The following COL4A4 variants were observed in gnomAD, a reference collection of about 807,000 sequenced individuals.
The protein encoded by COL4A4 is collagen alpha-4(IV) chain.
A neutral mutation model predicts 192.9 loss-of-function variants in COL4A4; 105 were observed. That is an observed-to-expected ratio of 0.54 (90% confidence interval 0.46 to 0.64). The LOEUF is 0.64. Among genes scored for constraint, COL4A4 ranks in the 30% least tolerant of loss-of-function variants. The probability of loss-of-function intolerance (pLI) is 0.00; values close to 1 mark genes in which losing one functional copy is unlikely to be tolerated. For synonymous variants in COL4A4, 762 were observed against 769.9 expected (o/e 0.99, Z 0.17); for missense variants, 1,967 against 2,169.3 (o/e 0.91, Z 1.85).
At chr2:226,977,509 A>G in the COL4A4 span, among the ~76,000 whole-genome samples, 6,089 of 152,278 alleles carry the variant, frequency 0.04, 395 homozygotes, top group African/African-American at 0.14. Flanking sequence ...CAATGCAGCA[A>G]TTACAATGCA....
the COL4A4 span, among the ~76,000 whole-genome samples, chr2:226,992,929 G>A: frequency 6.6e-6 from 1 of 152,142 alleles, no homozygotes; most frequent in African/African-American, 2.4e-5. Context: ...GATTCTATTG[G>A]GAGTGAAAGC....
Position 227,118,716 on chromosome 2 carries a change from C to G in COL4A4, c.418G>C (p.Gly140Arg). The G allele has an allele frequency of 6.2e-7, 1 of 1,614,008 alleles. No homozygotes were observed. The change falls in exon 7 of 48, where the codon GGC (glycine) becomes CGC (arginine). Residue 140 changes from glycine (G) to arginine (R), a missense_variant. By Grantham distance (125) the Gly-to-Arg change is moderately radical. Coordinates refer to ENST00000396625, the MANE Select transcript of COL4A4 (RefSeq NM_000092.5). ...PGPRGKPGMS[G>R]HNGSRGDPGF... ...GGGTCACCTCTTGAGCCATTGTGGCCACTCATACCAGGTTTGCCTCTGGGT... is the reference window on the plus strand; with the variant it reads ...GGGTCACCTCTTGAGCCATTGTGGCGACTCATACCAGGTTTGCCTCTGGGT...
rs1159625886 is a variant in COL4A4, at chr2:227,059,553, G to A, written c.2235C>T (p.Gly745=). Residue 745 remains glycine (G), a synonymous_variant, in exon 28 of 48, where the codon GGC becomes GGT. Transcript: ENST00000396625. ...EKGSSPVGPP[G]PPGSPGVNGQ... The stretch of plus-strand genomic sequence containing the variant: ...CATTCACTCCTGGTGAGCCGGGAGG[G>A]CCTGGGGGCCCAACAGGGGAGGACC... 3 of 1,614,092 alleles carry A rather than the reference G, an allele frequency of 1.9e-6. No homozygotes were observed. In the Admixed American group the frequency reaches 5.0e-5, roughly 27 times the overall value.
intron 25 of COL4A4, among the ~76,000 whole-genome samples, chr2:227,067,309 G>A (rs574599145): frequency 1.6e-4 from 24 of 152,176 alleles, no homozygotes; most frequent in African/African-American, 5.3e-4. Flanking sequence ...ACAGATCAAC[G>A]AGACAGAAAG....
intron 44 of COL4A4, among the ~76,000 whole-genome samples, chr2:227,012,662 T>C (rs1055455316): frequency 2.7e-5 from 4 of 147,762 alleles, no homozygotes; most frequent in Non-Finnish European, 5.9e-5. Flanking sequence ...ACTGAACATG[T>C]ATGGCATTTA....
Position 227,161,422 on chromosome 2 carries a change from G to A in COL4A4, c.-102+2585C>T, listed in dbSNP as rs540483349. On this transcript the variant is annotated intron_variant, in intron 1 of 47. Coordinates refer to ENST00000396625, the MANE Select transcript of COL4A4 (RefSeq NM_000092.5). Reference sequence around the variant, plus strand: ...AGACCTCTGTGTCCTTTGAATGTACGAAAAGAACCATCCTCCTTTCCTCTT... The same window carrying A: ...AGACCTCTGTGTCCTTTGAATGTACAAAAAGAACCATCCTCCTTTCCTCTT... 1.7e-3 allele frequency among the ~76,000 whole-genome samples: 262 copies of A among 152,258 alleles called. 1 individual carries two copies. The highest frequency in any genetic ancestry group is 2.7e-3 in the Admixed American group (42 of 15,300).
At chr2:227,019,535 AG>A (rs1965572847) in intron 44 of COL4A4, among the ~76,000 whole-genome samples, 3 of 152,196 alleles carry the variant, frequency 2.0e-5, no homozygotes, top group Non-Finnish European at 4.4e-5. Context: ...GGCTCCTCAA[AG>A]CCCAACCTTT....
chr2:227,147,719 T>A (rs12694712), intron 1 of COL4A4, 135 bp from the exon 2 acceptor site: 2 of 411,448 alleles, frequency 4.9e-6, no homozygotes, highest in Non-Finnish European at 9.0e-6. Context: ...ATGGTGAAAC[T>A]GAATAAATAT....
In COL4A4 at chr2:227,108,850, C is replaced by CT. The variant is rs1553688335; in HGVS notation, c.675dup (p.Gly226ArgfsTer22). On this transcript the variant is annotated frameshift_variant, in exon 11 of 48. Coordinates refer to ENST00000396625, the MANE Select transcript of COL4A4 (RefSeq NM_000092.5). LOFTEE classifies it high-confidence loss of function. ...CTGCCTACCTTCAAACCTGGACGCC[C>CT]TGGTTGGCCCGGAGGTCCCTAAATC... 1 of 1,611,820 alleles carries CT rather than the reference C, an allele frequency of 6.2e-7. No individual in the cohort carries two copies. Among genetic ancestry groups the CT allele is most frequent in the Non-Finnish European group, 8.5e-7 (1 of 1,178,780 alleles).
chr2:227,092,391 G>A lies in COL4A4; in HGVS notation c.1369+1734C>T, dbSNP rs180871571. On this transcript the variant is annotated intron_variant, in intron 20 of 47. Transcript: ENST00000396625. Reference sequence around the variant, plus strand: ...TATATGGGAAATAGAGGGCCCCAGAGAAAGAGAGAGGATGGAGGAAAGAAA... The same window carrying A: ...TATATGGGAAATAGAGGGCCCCAGAAAAAGAGAGAGGATGGAGGAAAGAAA... Among the ~76,000 whole-genome samples the A allele has an allele frequency of 3.7e-3, 564 of 152,234 alleles. 2 individuals carry two copies. The highest frequency in any genetic ancestry group is 0.01 in the African/African-American group (419 of 41,550).
intron 8 of COL4A4, among the ~76,000 whole-genome samples, chr2:227,112,704 T>C (rs2061284725): frequency 1.3e-5 from 2 of 152,206 alleles, no homozygotes; most frequent in African/African-American, 2.4e-5. Context: ...GGAAACTCTG[T>C]TCTCATTAAA....
intron 37 of COL4A4, among the ~76,000 whole-genome samples, chr2:227,035,567 C>G (rs1969477235): frequency 6.6e-6 from 1 of 151,790 alleles, no homozygotes; most frequent in Non-Finnish European, 1.5e-5. Flanking sequence ...CTTTATTTTC[C>G]CCAAATCTCT....
chr2:227,110,955 C>A (rs1008541710), intron 9 of COL4A4, among the ~76,000 whole-genome samples: 3 of 152,078 alleles, frequency 2.0e-5, no homozygotes, highest in African/African-American at 7.2e-5. Flanking sequence ...GCTGGGATTA[C>A]AGGCATGAGC....
At chr2:227,117,144 A>C (rs1360976069) in intron 7 of COL4A4, among the ~76,000 whole-genome samples, 1 of 152,214 alleles carries the variant, frequency 6.6e-6, no homozygotes, top group African/African-American at 2.4e-5. Context: ...TTGCCTGGTC[A>C]TTCTTACTTT....
Position 227,158,868 on chromosome 2 carries a change from T to C in COL4A4, c.-102+5139A>G, listed in dbSNP as rs984405318. ...CCTATGCATGGTATTCTACCTTGCA[T>C]TGAGAAGGTAGAATAAAACCACTTT... On this transcript the variant is annotated intron_variant, in intron 1 of 47. Transcript: ENST00000396625. Among the ~76,000 whole-genome samples, 5 of 152,252 alleles carry C rather than the reference T, an allele frequency of 3.3e-5. No homozygotes were observed. The East Asian group carries it at 7.7e-4, about 23-fold the overall frequency.
Position 227,144,558 on chromosome 2 carries a change from C to T in COL4A4, c.72G>A (p.Trp24Ter), listed in dbSNP as rs2125348371. The change falls in exon 3 of 48, where the codon TGG becomes TGA. Residue 24 changes from tryptophan (W) to a stop codon, truncating the protein, a stop_gained and splice_region_variant. Coordinates refer to ENST00000396625, the MANE Select transcript of COL4A4 (RefSeq NM_000092.5). LOFTEE classifies it high-confidence loss of function. ...RLTKSLATGP[W>*]SLILILFSVQ... Reference sequence around the variant, plus strand: ...CAGAAAAGAGAATGAGTATAAGTGACCTACAGAAAAACAAAAACGCAGATT... The same window carrying T: ...CAGAAAAGAGAATGAGTATAAGTGATCTACAGAAAAACAAAAACGCAGATT... The T allele has an allele frequency of 6.2e-7, 1 of 1,605,316 alleles. No homozygotes were observed.
At chr2:227,057,695 C>T (rs1371606007) in intron 28 of COL4A4, 95 bp from the exon 29 acceptor site, 2 of 1,266,454 alleles carry the variant, frequency 1.6e-6, no homozygotes, top group African/African-American at 1.5e-5. Context: ...TGGAGGTGAA[C>T]ATTTTCATCC....
At chr2:227,153,785 A>G (rs1396293251) in intron 1 of COL4A4, among the ~76,000 whole-genome samples, 1 of 152,222 alleles carries the variant, frequency 6.6e-6, no homozygotes, top group Non-Finnish European at 1.5e-5. Flanking sequence ...ACACTGAGTA[A>G]GCATGAAAAC....
At chr2:227,107,756 CTTTTTTTT>C in intron 12 of COL4A4, among the ~76,000 whole-genome samples, 1 of 109,186 alleles carries the variant, frequency 9.2e-6, no homozygotes, top group Non-Finnish European at 1.8e-5. Context: ...AATCACTTTT[CTTTTTTTT>C]TTTTTTTTTT....
Sources: allele counts gnomAD v4.1 joint callset (sites outside exome capture counted in the v4.1 genomes callset), GRCh38; gene constraint gnomAD v4.1.1; transcripts MANE v1.5; gene names NCBI Gene and HGNC (gene_info 2026-07-23, HGNC 2026-07-21).